TRIM24: variants seen among roughly 807,000 people sequenced by gnomAD.
TRIM24 encodes the protein transcription intermediary factor 1-alpha.
A neutral mutation model predicts 123.9 loss-of-function variants in TRIM24; 29 were observed. The ratio of observed to expected loss-of-function variants is 0.23; its 90% CI spans 0.17 to 0.32. TRIM24 has a LOEUF of 0.32. Ranked by LOEUF, TRIM24 falls within the 10% of genes least tolerant of loss-of-function variation. The pLI, the probability that TRIM24 is intolerant of heterozygous loss-of-function variation, is 1.00. For synonymous variants in TRIM24, 456 were observed against 461.1 expected (o/e 0.99, Z 0.14); for missense variants, 932 against 1,295.3 (o/e 0.72, Z 4.31).
chr7:138,502,485 A>G (rs1299876334), intron 1 of TRIM24, among the ~76,000 whole-genome samples: 1 of 152,224 alleles, frequency 6.6e-6, no homozygotes, highest in Non-Finnish European at 1.5e-5. Flanking sequence ...GAAGAGGGCT[A>G]ATCTAGGTCT....
intron 10 of TRIM24, among the ~76,000 whole-genome samples, chr7:138,567,906 C>CCTAA (rs1797568772): frequency 6.6e-6 from 1 of 151,970 alleles, no homozygotes; most frequent in Non-Finnish European, 1.5e-5. Flanking sequence ...GTATGGATAA[C>CCTAA]TTTTAGGTGA....
At chr7:138,547,699 G>T (rs975913371) in intron 7 of TRIM24, among the ~76,000 whole-genome samples, 2 of 152,022 alleles carry the variant, frequency 1.3e-5, no homozygotes, top group Non-Finnish European at 2.9e-5. Context: ...TTTTAGAGAC[G>T]GAGCTTCCCT....
intron 7 of TRIM24, among the ~76,000 whole-genome samples, chr7:138,549,080 A>G (rs533856343): frequency 1.4e-4 from 21 of 152,344 alleles, no homozygotes; most frequent in African/African-American, 5.1e-4. Flanking sequence ...GTCATTTATT[A>G]TCATTATGCA....
At chr7:138,506,973 G>A (rs1230926070) in intron 2 of TRIM24, among the ~76,000 whole-genome samples, 2 of 152,108 alleles carry the variant, frequency 1.3e-5, no homozygotes, top group Non-Finnish European at 2.9e-5. Flanking sequence ...GATTGGGTGT[G>A]GAAGGTGAGA....
chr7:138,536,873 C>A lies in TRIM24; in HGVS notation c.997-1784C>A, dbSNP rs959923069. 3.3e-5 allele frequency among the ~76,000 whole-genome samples: 5 copies of A among 152,332 alleles called. No individual in the cohort carries two copies. In the East Asian group the frequency reaches 9.7e-4, roughly 29 times the overall value. On this transcript the variant is annotated intron_variant, in intron 6 of 18. Coordinates refer to ENST00000343526, the MANE Select transcript of TRIM24 (RefSeq NM_015905.3). ...TGCAGCGGGCTCCACCCAGTTCGAG[C>A]TTCCTGGCCGCTTTGTTTACCTACT...
At chr7:138,531,565 GCATAGTATTC>G in intron 6 of TRIM24, among the ~76,000 whole-genome samples, 1 of 152,146 alleles carries the variant, frequency 6.6e-6, no homozygotes, top group South Asian at 2.1e-4. Context: ...TTTTATGGCT[GCATAGTATTC>G]CATGGTGTAT....
chr7:138,563,163 C>T (rs1327489607), intron 9 of TRIM24, among the ~76,000 whole-genome samples: 5 of 152,170 alleles, frequency 3.3e-5, no homozygotes, highest in Admixed American at 3.3e-4. Context: ...CCATGGGCTC[C>T]TGGGGGCCTA....
At chr7:138,564,415 G>GTAGA (rs1292121997) in intron 9 of TRIM24, among the ~76,000 whole-genome samples, 1 of 152,202 alleles carries the variant, frequency 6.6e-6, no homozygotes, top group African/African-American at 2.4e-5. Flanking sequence ...GTAAATGGGG[G>GTAGA]TAGATTGGAA....
chr7:138,536,797 T>G (rs1796886061), intron 6 of TRIM24, among the ~76,000 whole-genome samples: 1 of 152,252 alleles, frequency 6.6e-6, no homozygotes, highest in South Asian at 2.1e-4. Context: ...TGTTTGGCTA[T>G]GCCCTGCCCC....
At chr7:138,574,386 C>A (rs2116677894) in intron 12 of TRIM24, among the ~76,000 whole-genome samples, 1 of 152,312 alleles carries the variant, frequency 6.6e-6, no homozygotes, top group Non-Finnish European at 1.5e-5. Context: ...TCAACAGTCA[C>A]ATGAACACAA....
At chr7:138,540,898 G>A (rs1226899065) in intron 7 of TRIM24, among the ~76,000 whole-genome samples, 4 of 152,142 alleles carry the variant, frequency 2.6e-5, no homozygotes, top group Admixed American at 2.0e-4. Flanking sequence ...GAGTGCAGTG[G>A]TGTGATCTTA....
rs1312764423 is a variant in TRIM24, at chr7:138,576,486, CTAATT to C, written c.2087+42_2087+46del. The C allele has an allele frequency of 5.1e-6, 8 of 1,563,136 alleles. No homozygotes were observed. In the African/African-American group the frequency reaches 1.1e-4, roughly 21 times the overall value. ...CATATTTTCTAGTATATAAAAATCT[CTAATT>C]AGATTTCTTTTGCCAGTGTTCAACA... On this transcript the variant is annotated intron_variant, in intron 13 of 18. Coordinates refer to ENST00000343526, the MANE Select transcript of TRIM24 (RefSeq NM_015905.3).
intron 6 of TRIM24, among the ~76,000 whole-genome samples, chr7:138,537,694 A>G (rs35668636): frequency 6.6e-6 from 1 of 152,000 alleles, no homozygotes; most frequent in African/African-American, 2.4e-5. Context: ...CTTAAATTAG[A>G]TATGGCAGAG....
chr7:138,552,030 T>G (rs184088993), intron 8 of TRIM24, among the ~76,000 whole-genome samples: 3 of 146,294 alleles, frequency 2.1e-5, no homozygotes, highest in Non-Finnish European at 4.5e-5. Context: ...ATAAATACAG[T>G]TTTTTTTTTT....
intron 5 of TRIM24, among the ~76,000 whole-genome samples, chr7:138,528,715 G>A (rs1273552289): frequency 6.6e-6 from 1 of 151,454 alleles, no homozygotes; most frequent in African/African-American, 2.4e-5. Flanking sequence ...CTAGCTTTCG[G>A]TTGCAATTAA....
chr7:138,561,767 A>G (rs1472543149), intron 9 of TRIM24, among the ~76,000 whole-genome samples: 2 of 152,298 alleles, frequency 1.3e-5, no homozygotes, highest in South Asian at 2.1e-4. Flanking sequence ...AGATCTGGCA[A>G]TCCTACGGCT....
Position 138,554,777 on chromosome 7 carries a change from A to G in TRIM24, c.1341A>G (p.Pro447=). The G allele has an allele frequency of 6.2e-7, 1 of 1,614,224 alleles. No individual in the cohort carries two copies. Among genetic ancestry groups the G allele is most frequent in the Non-Finnish European group, 8.5e-7 (1 of 1,180,020 alleles). ...QNPVVEQNSQ[P]PSGLSSNQLS... ...CTGTCGTGGAACAGAATTCACAGCC[A>G]CCAAGTGGTTTATCATCAAACCAGT... Residue 447 remains proline (P), a synonymous_variant, in exon 9 of 19, where the codon CCA becomes CCG. Transcript: ENST00000343526. The surrounding 1 kb of genome is among the most constrained non-coding windows in gnomAD (Gnocchi z 4.5).
intron 1 of TRIM24, among the ~76,000 whole-genome samples, chr7:138,463,045 T>G (rs559299678): frequency 2.9e-4 from 14 of 48,662 alleles, no homozygotes; most frequent in South Asian, 1.5e-3. Flanking sequence ...AATTTTGTGT[T>G]TTTTTTTTTT....
At chr7:138,515,467 C>T (rs1796375674) in intron 3 of TRIM24, 108 bp downstream of exon 3, 1 of 1,258,772 alleles carries the variant, frequency 7.9e-7, no homozygotes, top group South Asian at 1.7e-5. Context: ...ATTAAATATA[C>T]TGTTTTAAGT....
Sources: allele counts gnomAD v4.1 joint callset (sites outside exome capture counted in the v4.1 genomes callset), GRCh38; gene constraint gnomAD v4.1.1; non-coding constraint Gnocchi (gnomAD v3.1); transcripts MANE v1.5; gene names NCBI Gene and HGNC (gene_info 2026-07-23, HGNC 2026-07-21).